Variants in ZFAT observed in about 807,000 individuals in gnomAD.
ZFAT encodes the protein zinc finger protein ZFAT.
ZFAT carries 64 observed loss-of-function variants against 117.7 expected under a neutral mutation model. That is an observed-to-expected ratio of 0.54 (90% CI 0.44 to 0.67). The LOEUF (loss-of-function observed/expected upper bound fraction) is 0.67, where lower values mean the gene tolerates loss of function less well. Among genes scored for constraint, ZFAT ranks in the 30% least tolerant of loss-of-function variants. ZFAT has a pLI of 0.00. For missense variants in ZFAT, 1,433 were observed against 1,584.5 expected (o/e 0.90, Z 1.62); for synonymous variants, 679 against 615.0 (o/e 1.10, Z -1.54).
intron 11 of ZFAT, among the ~76,000 whole-genome samples, chr8:134,546,077 A>G (rs1359572244): frequency 3.9e-5 from 6 of 152,234 alleles, no homozygotes; most frequent in African/African-American, 1.4e-4. Flanking sequence ...TGACGACGAC[A>G]ACACTTATTG....
chr8:134,566,165 T>C (rs9694923), intron 10 of ZFAT, among the ~76,000 whole-genome samples: 119,657 of 151,982 alleles, frequency 0.79, 47,500 homozygotes, highest in East Asian at 0.91. Flanking sequence ...GAGGCCGAGA[T>C]GGGCAGATCA....
chr8:134,566,229 C>A (rs1335594274), intron 10 of ZFAT, among the ~76,000 whole-genome samples: 1 of 151,974 alleles, frequency 6.6e-6, no homozygotes, highest in South Asian at 2.1e-4. Flanking sequence ...CCTGTCTCTA[C>A]TAAAAACACA....
intron 3 of ZFAT, among the ~76,000 whole-genome samples, chr8:134,624,774 G>A (rs1379350666): frequency 6.6e-6 from 1 of 152,158 alleles, no homozygotes; most frequent in South Asian, 2.1e-4. Flanking sequence ...CATGTAACTC[G>A]TAATTCAAAG....
chr8:134,573,673 T>C (rs1825099002), intron 10 of ZFAT, among the ~76,000 whole-genome samples: 1 of 152,252 alleles, frequency 6.6e-6, no homozygotes, highest in Non-Finnish European at 1.5e-5. Context: ...GAAAATGTCA[T>C]TTCCATTGTT....
At chr8:134,561,098 G>A (rs566406913) in intron 11 of ZFAT, among the ~76,000 whole-genome samples, 1 of 152,194 alleles carries the variant, frequency 6.6e-6, no homozygotes, top group South Asian at 2.1e-4. Context: ...GGATGACATG[G>A]AAATGCTTTT....
the ZFAT span, among the ~76,000 whole-genome samples, chr8:134,812,766 T>G: frequency 6.6e-6 from 1 of 152,174 alleles, no homozygotes; most frequent in African/African-American, 2.4e-5. Context: ...GTATTATAGA[T>G]ATGCAGCAAC....
In ZFAT at chr8:134,478,315, G is replaced by A. The variant is rs1817023071; in HGVS notation, c.*167C>T. On this transcript the variant is annotated 3_prime_UTR_variant, in exon 16 of 16. Transcript: ENST00000377838. This position sits in a 1 kb window ranked among gnomAD's most constrained non-coding sequence, Gnocchi z 5.2. ...TGTGGTATTGCTGGTGATGCTGACT[G>A]CCTTGCCCACCCCAAGTTGGACTAG... 1.0e-6 allele frequency: 1 copy of A among 956,930 alleles called. No homozygotes were observed. The highest frequency in any genetic ancestry group is 1.5e-6 in the Non-Finnish European group (1 of 660,306). 59.3% of individuals were successfully genotyped at this position (956,930 alleles called of 1,614,324 possible).
the ZFAT span, among the ~76,000 whole-genome samples, chr8:134,763,258 A>C: frequency 6.6e-6 from 1 of 152,218 alleles, no homozygotes; most frequent in Non-Finnish European, 1.5e-5. Flanking sequence ...AGGCCTTAAC[A>C]TAATCTGCTT....
intron 3 of ZFAT, among the ~76,000 whole-genome samples, chr8:134,624,297 C>A (rs951480550): frequency 6.6e-6 from 1 of 151,968 alleles, no homozygotes; most frequent in Non-Finnish European, 1.5e-5. Context: ...AAGTAAGTTC[C>A]TTTTACCTCA....
chr8:134,496,393 G>C (rs1198465962), intron 15 of ZFAT, among the ~76,000 whole-genome samples: 1 of 152,208 alleles, frequency 6.6e-6, no homozygotes, highest in Non-Finnish European at 1.5e-5. Context: ...GAGCTGGGGT[G>C]ACTCCCATGA....
At chr8:134,649,267 T>C (rs1419131711) in intron 2 of ZFAT, among the ~76,000 whole-genome samples, 1 of 151,444 alleles carries the variant, frequency 6.6e-6, no homozygotes, top group African/African-American at 2.4e-5. Context: ...AACAAGAATG[T>C]CCACTCATCA....
chr8:134,764,128 T>C, the ZFAT span, among the ~76,000 whole-genome samples: 1 of 152,220 alleles, frequency 6.6e-6, no homozygotes, highest in African/African-American at 2.4e-5. Flanking sequence ...GTTGTCTGCC[T>C]TGGGGCAAAG....
chr8:134,737,142 T>C, the ZFAT span, among the ~76,000 whole-genome samples: 4 of 151,928 alleles, frequency 2.6e-5, no homozygotes, highest in Non-Finnish European at 5.9e-5. Flanking sequence ...TAGCTGGACG[T>C]GGTGGCGCAT....
chr8:134,550,320 A>AAAAAAAAAAAAAC (rs1823049464), intron 11 of ZFAT, among the ~76,000 whole-genome samples: 1 of 150,994 alleles, frequency 6.6e-6, no homozygotes, highest in African/African-American at 2.4e-5. Flanking sequence ...GAAAAAAAAA[A>AAAAAAAAAAAAAC]AAAAAAAAAA....
intron 1 of ZFAT, among the ~76,000 whole-genome samples, chr8:134,688,518 GAA>G (rs987448941): frequency 6.6e-6 from 1 of 152,140 alleles, no homozygotes; most frequent in African/African-American, 2.4e-5. Context: ...ACTGAGAAAA[GAA>G]AGAGCCACGA....
intron 1 of ZFAT, among the ~76,000 whole-genome samples, chr8:134,667,557 A>ATATACCTC (rs1832297121): frequency 6.6e-6 from 1 of 151,194 alleles, no homozygotes; most frequent in South Asian, 2.1e-4. Context: ...CAGGGCACAT[A>ATATACCTC]TGTAACAAAC....
chr8:134,586,954 T>C (rs1361235787), intron 9 of ZFAT, among the ~76,000 whole-genome samples: 1 of 152,256 alleles, frequency 6.6e-6, no homozygotes, highest in Non-Finnish European at 1.5e-5. Flanking sequence ...TTTAAGGTTG[T>C]TGAGAATACT....
At chr8:134,802,454 A>G in the ZFAT span, among the ~76,000 whole-genome samples, 1 of 152,354 alleles carries the variant, frequency 6.6e-6, no homozygotes, top group South Asian at 2.1e-4. Flanking sequence ...CCTCAAGCCC[A>G]TGACTCATGT....
chr8:134,639,476 A>G (rs1830460521), intron 2 of ZFAT, among the ~76,000 whole-genome samples: 1 of 152,160 alleles, frequency 6.6e-6, no homozygotes, highest in African/African-American at 2.4e-5. Context: ...AGCACAAAGA[A>G]GAAGAAGGTA....
Sources: gnomAD v4.1 joint callset for allele counts (sites outside exome capture counted in the v4.1 genomes callset) on GRCh38, gnomAD v4.1.1 for gene constraint, Gnocchi (gnomAD v3.1) non-coding constraint, MANE v1.5 for transcripts, NCBI Gene and HGNC (gene_info 2026-07-23, HGNC 2026-07-21) for gene names.